Variants in LHFPL4 observed in about 807,000 individuals in gnomAD.
LHFPL4 encodes LHFPL tetraspan subfamily member 4 protein.
In LHFPL4, 6 loss-of-function variants were observed where a neutral mutation model predicts 20.0. That is an observed-to-expected ratio of 0.30 (90% CI 0.16 to 0.59). The LOEUF (loss-of-function observed/expected upper bound fraction) is 0.59, where lower values mean the gene tolerates loss of function less well. LHFPL4 is among the 20% of genes least tolerant of loss of function. LHFPL4 has a pLI of 0.88. For synonymous variants in LHFPL4, 129 were observed against 143.8 expected (o/e 0.90, Z 0.74); for missense variants, 215 against 331.2 (o/e 0.65, Z 2.72).
intron 2 of LHFPL4, among the ~76,000 whole-genome samples, chr3:9,533,901 T>C (rs1242649421): frequency 6.6e-6 from 1 of 151,896 alleles, no homozygotes; most frequent in Non-Finnish European, 1.5e-5. Context: ...GGCTGTAGAT[T>C]TATGACTTTA....
At chr3:9,523,380 C>CAAAAAAAGAAAAAGAAAA (rs139317413) in intron 2 of LHFPL4, among the ~76,000 whole-genome samples, 4 of 134,652 alleles carry the variant, frequency 3.0e-5, no homozygotes, top group Non-Finnish European at 4.8e-5. Flanking sequence ...GACTTCGTCT[C>CAAAAAAAGAAAAAGAAAA]AAAAAAAGAA....
At chr3:9,523,109 AGC>A (rs1559518572) in intron 2 of LHFPL4, among the ~76,000 whole-genome samples, 1 of 138,740 alleles carries the variant, frequency 7.2e-6, no homozygotes, top group Non-Finnish European at 1.6e-5. Flanking sequence ...AGAGAGAGAA[AGC>A]AAGCAAGCAA....
intron 2 of LHFPL4, among the ~76,000 whole-genome samples, chr3:9,514,244 C>T (rs1574840605): frequency 6.6e-6 from 1 of 152,002 alleles, no homozygotes; most frequent in Non-Finnish European, 1.5e-5. Context: ...AAGTTCAAGA[C>T]CAGCATAGCA....
At chr3:9,549,081 C>T (rs530044889) in intron 2 of LHFPL4, among the ~76,000 whole-genome samples, 12 of 152,098 alleles carry the variant, frequency 7.9e-5, no homozygotes, top group African/African-American at 1.4e-4. Context: ...TTAAGTGAGC[C>T]GATAAACCCT....
intron 2 of LHFPL4, among the ~76,000 whole-genome samples, chr3:9,511,381 A>G (rs1375524046): frequency 6.6e-6 from 1 of 151,994 alleles, no homozygotes; most frequent in Non-Finnish European, 1.5e-5. Flanking sequence ...GAGGTGGGAA[A>G]AAATACCACC....
intron 2 of LHFPL4, among the ~76,000 whole-genome samples, chr3:9,541,237 C>T (rs897979605): frequency 2.0e-5 from 3 of 151,884 alleles, no homozygotes; most frequent in Non-Finnish European, 4.4e-5. Flanking sequence ...CCACCGCACC[C>T]GGCAAAATAA....
intron 2 of LHFPL4, among the ~76,000 whole-genome samples, chr3:9,532,649 T>C (rs758353103): frequency 2.0e-5 from 3 of 152,204 alleles, no homozygotes; most frequent in Non-Finnish European, 4.4e-5. Context: ...CTTATCTTTT[T>C]AATAGGGTTT....
At chr3:9,505,127 C>T (rs1308260929) in intron 3 of LHFPL4, among the ~76,000 whole-genome samples, 1 of 152,200 alleles carries the variant, frequency 6.6e-6, no homozygotes, top group African/African-American at 2.4e-5. Flanking sequence ...CTGCAGCCAC[C>T]AGCGCCCTTG....
chr3:9,508,178 C>T (rs1354573753), intron 2 of LHFPL4, among the ~76,000 whole-genome samples: 1 of 152,196 alleles, frequency 6.6e-6, no homozygotes, highest in Non-Finnish European at 1.5e-5. Context: ...AGGGAATGCT[C>T]CCAGGCCCCA....
Position 9,502,122 on chromosome 3 carries a change from C to T in LHFPL4, c.*89G>A. The T allele has an allele frequency of 3.2e-6, 3 of 930,578 alleles. No homozygotes were observed. The highest frequency in any genetic ancestry group is 3.5e-6 in the Non-Finnish European group (2 of 573,394). 57.6% of individuals were successfully genotyped at this position (930,578 alleles called of 1,614,324 possible). A position where few individuals can be genotyped will look rare whatever the true frequency, so the allele number is the denominator to read the frequency against. The stretch of plus-strand genomic sequence containing the variant: ...TGAGAAGTAAGTCTGAGATCAGGGT[C>T]TTCCCTCAGAGCTTGAATGGAGTGA... On this transcript the variant is annotated 3_prime_UTR_variant, in exon 4 of 4. Transcript: ENST00000287585.
intron 2 of LHFPL4, among the ~76,000 whole-genome samples, chr3:9,527,939 G>C (rs1282464077): frequency 1.3e-5 from 2 of 151,200 alleles, no homozygotes; most frequent in African/African-American, 4.9e-5. Context: ...CAAATTATTT[G>C]GTTTCCCAAT....
intron 2 of LHFPL4, among the ~76,000 whole-genome samples, chr3:9,521,005 C>CTT (rs1198571601): frequency 2.0e-5 from 3 of 152,098 alleles, no homozygotes; most frequent in Admixed American, 6.5e-5. Flanking sequence ...AGAGAGGTCT[C>CTT]GAAGTCTCCA....
chr3:9,531,907 G>A (rs1291951682), intron 2 of LHFPL4, among the ~76,000 whole-genome samples: 1 of 152,168 alleles, frequency 6.6e-6, no homozygotes, highest in Non-Finnish European at 1.5e-5. Flanking sequence ...CTAAGAAGAG[G>A]TAAAGAATAA....
intron 2 of LHFPL4, among the ~76,000 whole-genome samples, chr3:9,538,025 T>A (rs903579071): frequency 6.6e-6 from 1 of 152,170 alleles, no homozygotes; most frequent in Non-Finnish European, 1.5e-5. Flanking sequence ...TTTGTGAATG[T>A]CACTCCACAG....
chr3:9,543,765 CTG>C (rs1343652306), intron 2 of LHFPL4, among the ~76,000 whole-genome samples: 65 of 128,526 alleles, frequency 5.1e-4, no homozygotes, highest in Non-Finnish European at 8.8e-4. Context: ...ACATCTCACT[CTG>C]TCACCCAGGC....
chr3:9,503,190 T>G (rs1349286026), intron 3 of LHFPL4, among the ~76,000 whole-genome samples: 2 of 151,944 alleles, frequency 1.3e-5, no homozygotes, highest in East Asian at 3.9e-4. Flanking sequence ...GAACTCCCAG[T>G]GAGGGACGGA....
intron 2 of LHFPL4, among the ~76,000 whole-genome samples, chr3:9,525,129 G>A (rs753803643): frequency 6.6e-6 from 1 of 152,120 alleles, no homozygotes; most frequent in South Asian, 2.1e-4. Context: ...CCCAAGGACA[G>A]GCCTGGCATA....
intron 2 of LHFPL4, among the ~76,000 whole-genome samples, chr3:9,520,269 A>G (rs1447785301): frequency 6.6e-6 from 1 of 152,166 alleles, no homozygotes; most frequent in Non-Finnish European, 1.5e-5. Flanking sequence ...AAGACTGGGC[A>G]ACATAGTGTG....
At chr3:9,510,661 G>C (rs575870525) in intron 2 of LHFPL4, among the ~76,000 whole-genome samples, 45 of 152,122 alleles carry the variant, frequency 3.0e-4, no homozygotes, top group African/African-American at 1.1e-3. Flanking sequence ...TGAGTGGCCC[G>C]GCGCGATGGC....
Sources: allele counts gnomAD v4.1 joint callset (sites outside exome capture counted in the v4.1 genomes callset), GRCh38; gene constraint gnomAD v4.1.1; transcripts MANE v1.5; gene names NCBI Gene and HGNC (gene_info 2026-07-23, HGNC 2026-07-21).